Variants in ETS1 observed in about 807,000 individuals in gnomAD.
ETS1 encodes ETS proto-oncogene 1, transcription factor.
Under a neutral mutation model 58.6 loss-of-function variants are expected in ETS1, and 15 were observed. That is an observed-to-expected ratio of 0.26 (90% CI 0.17 to 0.39). The LOEUF is 0.39. Ranked by LOEUF, ETS1 falls within the 10% of genes least tolerant of loss-of-function variation. The probability of loss-of-function intolerance (pLI) is 1.00; values close to 1 mark genes in which losing one functional copy is unlikely to be tolerated. For synonymous variants in ETS1, 214 were observed against 218.2 expected, an observed-to-expected ratio of 0.98 and a Z score of 0.17; for missense variants, 417 against 610.5, an observed-to-expected ratio of 0.68 and a Z score of 3.34.
chr11:128,566,607 C>T (rs371873807), intron 2 of ETS1, among the ~76,000 whole-genome samples: 23 of 149,282 alleles, frequency 1.5e-4, no homozygotes, highest in African/African-American at 5.6e-4. Flanking sequence ...CACAGTGAAA[C>T]CCCGTCTCTA....
intron 3 of ETS1, among the ~76,000 whole-genome samples, chr11:128,492,575 G>A (rs1309982290): frequency 2.0e-5 from 3 of 151,758 alleles, no homozygotes; most frequent in Non-Finnish European, 4.4e-5. Context: ...TCTCCAGGAA[G>A]GTTAACAAAA....
chr11:128,494,342 A>AT (rs1789947338), intron 3 of ETS1, among the ~76,000 whole-genome samples: 1 of 152,244 alleles, frequency 6.6e-6, no homozygotes, highest in Non-Finnish European at 1.5e-5. Context: ...GTTAATATTT[A>AT]TAGGAATTCC....
At chr11:128,532,863 G>T (rs1332527792) in intron 3 of ETS1, among the ~76,000 whole-genome samples, 1 of 151,932 alleles carries the variant, frequency 6.6e-6, no homozygotes, top group Non-Finnish European at 1.5e-5. Context: ...AATTAGCCCT[G>T]CAAAAAAGGA....
intron 3 of ETS1, among the ~76,000 whole-genome samples, chr11:128,555,228 T>A (rs2135556759): frequency 6.6e-6 from 1 of 152,326 alleles, no homozygotes; most frequent in South Asian, 2.1e-4. Context: ...TGCCACAGCA[T>A]CTTGCCCTGC....
intron 3 of ETS1, among the ~76,000 whole-genome samples, chr11:128,500,060 C>T (rs532923929): frequency 6.6e-6 from 1 of 152,066 alleles, no homozygotes; most frequent in Non-Finnish European, 1.5e-5. Flanking sequence ...TCAAAGTTAG[C>T]CCGGGAAGGG....
chr11:128,522,671 C>T (rs1863720286), intron 3 of ETS1, among the ~76,000 whole-genome samples: 1 of 152,192 alleles, frequency 6.6e-6, no homozygotes, highest in African/African-American at 2.4e-5. Flanking sequence ...CGGGAAAGTC[C>T]GTCTGATTCT....
chr11:128,497,253 T>A (rs1862968613), intron 3 of ETS1, among the ~76,000 whole-genome samples: 1 of 152,200 alleles, frequency 6.6e-6, no homozygotes, highest in African/African-American at 2.4e-5. Flanking sequence ...TTGCTGCCAA[T>A]GCACACAGTC....
chr11:128,555,227 A>G (rs531040196), intron 3 of ETS1, among the ~76,000 whole-genome samples: 1 of 152,222 alleles, frequency 6.6e-6, no homozygotes, highest in Non-Finnish European at 1.5e-5. Flanking sequence ...GTGCCACAGC[A>G]TCTTGCCCTG....
intron 1 of ETS1, among the ~76,000 whole-genome samples, chr11:128,575,304 G>A (rs1320358534): frequency 4.7e-5 from 6 of 126,472 alleles, no homozygotes; most frequent in African/African-American, 1.9e-4. Context: ...TATTGAATGT[G>A]GTTTCTCTCT....
rs888866405 is a variant in ETS1, at chr11:128,460,392, G to A, written c.*1969C>T. ...CAGAGCTATGTTCCTGATAATTCTG[G>A]GTCTGCAAGAGGATCTGGGAGTAAA... On this transcript the variant is annotated 3_prime_UTR_variant, in exon 10 of 10. Transcript: ENST00000392668. The A allele has an allele frequency of 6.6e-6, 1 of 152,646 alleles. No individual in the cohort carries two copies. The highest frequency in any genetic ancestry group is 6.5e-5 in the Admixed American group (1 of 15,272). 9.5% of individuals were successfully genotyped at this position (152,646 alleles called of 1,614,324 possible).
intron 7 of ETS1, among the ~76,000 whole-genome samples, chr11:128,481,038 A>G (rs1862471699): frequency 6.6e-6 from 1 of 152,230 alleles, no homozygotes; most frequent in South Asian, 2.1e-4. Flanking sequence ...TTTTAATATG[A>G]AATACATGTA....
intron 3 of ETS1, among the ~76,000 whole-genome samples, chr11:128,554,300 T>A (rs575221912): frequency 1.3e-5 from 2 of 152,266 alleles, no homozygotes; most frequent in Admixed American, 1.3e-4. Context: ...CTGTGTACCA[T>A]CTCTGAGCTG....
chr11:128,522,255 G>C (rs1255448815), intron 3 of ETS1: 14 of 1,168,546 alleles, frequency 1.2e-5, no homozygotes, highest in South Asian at 1.1e-4. Context: ...CCTCCTGCCC[G>C]GCCCTCGCCC....
chr11:128,550,425 G>A (rs2135552077), intron 3 of ETS1, among the ~76,000 whole-genome samples: 1 of 152,308 alleles, frequency 6.6e-6, no homozygotes, highest in South Asian at 2.1e-4. Context: ...ATAGGGTCAG[G>A]CATTTGCAGA....
At chr11:128,543,717 G>A (rs1864090116) in intron 3 of ETS1, among the ~76,000 whole-genome samples, 1 of 152,036 alleles carries the variant, frequency 6.6e-6, no homozygotes, top group South Asian at 2.1e-4. Context: ...CCCTTAAAAG[G>A]TTGTGAAAAT....
intron 3 of ETS1, chr11:128,522,271 C>T (rs1863701489): frequency 8.8e-7 from 1 of 1,135,888 alleles, no homozygotes. Context: ...CGCCCGCTCC[C>T]TCCTCTCCGC....
intron 3 of ETS1, among the ~76,000 whole-genome samples, chr11:128,519,262 G>A (rs982860846): frequency 6.6e-6 from 1 of 152,038 alleles, no homozygotes; most frequent in Non-Finnish European, 1.5e-5. Flanking sequence ...TCTTGGTCAG[G>A]TCCTAGCCAG....
chr11:128,573,675 A>T (rs1276532679), intron 1 of ETS1, among the ~76,000 whole-genome samples: 3 of 152,202 alleles, frequency 2.0e-5, no homozygotes, highest in Non-Finnish European at 4.4e-5. Context: ...ATTGAGCATT[A>T]TTGATCTTGA....
intron 3 of ETS1, among the ~76,000 whole-genome samples, chr11:128,517,378 G>T (rs1256511653): frequency 6.6e-6 from 1 of 152,176 alleles, no homozygotes; most frequent in Non-Finnish European, 1.5e-5. Flanking sequence ...CTAGAGTGTG[G>T]CCTTAGGCCA....
Sources: gnomAD v4.1 joint callset for allele counts (sites outside exome capture counted in the v4.1 genomes callset) on GRCh38, gnomAD v4.1.1 for gene constraint, MANE v1.5 for transcripts, NCBI Gene and HGNC (gene_info 2026-07-23, HGNC 2026-07-21) for gene names.